The following WDR25 variants were observed in gnomAD, a reference collection of about 807,000 sequenced individuals.
WDR25 encodes the protein WD repeat domain 25.
In WDR25, 35 loss-of-function variants were observed where a neutral mutation model predicts 47.7. That is an observed-to-expected ratio of 0.73 (90% CI 0.56 to 0.97). WDR25 has a LOEUF of 0.97. Ranked by LOEUF, WDR25 falls within the 50% of genes least tolerant of loss-of-function variation. WDR25 has a pLI of 0.00. For synonymous variants in WDR25, 248 were observed against 278.9 expected (o/e 0.89, Z 1.10); for missense variants, 634 against 704.7 (o/e 0.90, Z 1.14).
At chr14:100,408,175 G>A (rs948514292) in intron 2 of WDR25, among the ~76,000 whole-genome samples, 1 of 152,078 alleles carries the variant, frequency 6.6e-6, no homozygotes, top group African/African-American at 2.4e-5. Context: ...AAACTGGAGA[G>A]AAAAACCCTA....
intron 4 of WDR25, among the ~76,000 whole-genome samples, chr14:100,486,300 C>A (rs1396603864): frequency 6.6e-6 from 1 of 152,158 alleles, no homozygotes; most frequent in Non-Finnish European, 1.5e-5. Flanking sequence ...GTTAAAAATA[C>A]CGGATTTTTT....
chr14:100,390,157 T>C (rs1474173061), intron 2 of WDR25, among the ~76,000 whole-genome samples: 5 of 152,248 alleles, frequency 3.3e-5, no homozygotes, highest in African/African-American at 4.8e-5. Context: ...AGCTGTTTCT[T>C]ATTTTCTGAA....
chr14:100,521,413 T>C (rs2029876281), intron 4 of WDR25, among the ~76,000 whole-genome samples: 1 of 152,204 alleles, frequency 6.6e-6, no homozygotes, highest in Admixed American at 6.5e-5. Context: ...CCCTTCCTCT[T>C]AAGGCAGTCT....
intron 4 of WDR25, among the ~76,000 whole-genome samples, chr14:100,496,828 CTTTTT>C (rs1226765543): frequency 8.2e-5 from 6 of 73,430 alleles, no homozygotes; most frequent in South Asian, 1.3e-3. Flanking sequence ...TTCTTTAATT[CTTTTT>C]TTTTTTTTTT....
intron 4 of WDR25, among the ~76,000 whole-genome samples, chr14:100,524,239 T>G (rs889722380): frequency 4.1e-5 from 6 of 144,806 alleles, no homozygotes; most frequent in African/African-American, 7.7e-5. Flanking sequence ...TCTCTGAGAC[T>G]TCATGCCCAC....
At chr14:100,448,361 C>T (rs1362874643) in intron 2 of WDR25, among the ~76,000 whole-genome samples, 2 of 152,170 alleles carry the variant, frequency 1.3e-5, no homozygotes, top group Admixed American at 6.5e-5. Context: ...TGCTTGAGTG[C>T]AAGGATTAGA....
At chr14:100,521,479 A>G (rs754525051) in intron 4 of WDR25, among the ~76,000 whole-genome samples, 2 of 152,136 alleles carry the variant, frequency 1.3e-5, no homozygotes, top group African/African-American at 2.4e-5. Flanking sequence ...CTTAGTGGAA[A>G]CACACACATG....
chr14:100,481,997 G>T (rs777756266), intron 3 of WDR25, among the ~76,000 whole-genome samples: 54 of 151,818 alleles, frequency 3.6e-4, no homozygotes, highest in Middle Eastern at 3.4e-3. Context: ...TGGCTTTTTA[G>T]ATTTTTGTTA....
At chr14:100,390,421 GTGTGTGCA>G (rs1897117078) in intron 2 of WDR25, among the ~76,000 whole-genome samples, 2 of 151,290 alleles carry the variant, frequency 1.3e-5, no homozygotes. Flanking sequence ...GTGTGTGTGT[GTGTGTGCA>G]TGCACACGCC....
At chr14:100,504,331 A>G (rs1363521172) in intron 4 of WDR25, among the ~76,000 whole-genome samples, 1 of 152,224 alleles carries the variant, frequency 6.6e-6, no homozygotes, top group Non-Finnish European at 1.5e-5. Context: ...AAGTCTCTTA[A>G]GTCTATAGAT....
intron 2 of WDR25, among the ~76,000 whole-genome samples, chr14:100,391,215 C>A (rs1489929011): frequency 2.0e-5 from 3 of 152,126 alleles, no homozygotes; most frequent in South Asian, 2.1e-4. Flanking sequence ...TGTCCTCCCC[C>A]ACCCTGAGAT....
At chr14:100,396,981 C>T (rs113845620) in intron 2 of WDR25, among the ~76,000 whole-genome samples, 4,740 of 152,318 alleles carry the variant, frequency 0.031, 100 homozygotes, top group Middle Eastern at 0.054. Context: ...TTGTATTTCT[C>T]AAATGGCTCA....
At chr14:100,379,733 CT>C (rs972911555) in intron 1 of WDR25, among the ~76,000 whole-genome samples, 194 of 142,294 alleles carry the variant, frequency 1.4e-3, no homozygotes, top group East Asian at 2.0e-3. Flanking sequence ...GTTTTCTTTC[CT>C]TTTTTTTTTT....
rs114902863 is a variant in WDR25, at chr14:100,425,624, G to A, written c.823-42397G>A. ...GCACCGTCGGACGCTGATGGTGGGG[G>A]CTGGGCCCTGTGCTGACACAGGCTC... On this transcript the variant is annotated intron_variant, in intron 2 of 6. Coordinates refer to ENST00000402312, the MANE Select transcript of WDR25 (RefSeq NM_001161476.3). The surrounding 1 kb of genome is among the most constrained non-coding windows in gnomAD (Gnocchi z 4.8). 0.013 allele frequency among the ~76,000 whole-genome samples: 2,001 copies of A among 152,312 alleles called. 46 individuals carry two copies. The highest frequency in any genetic ancestry group is 0.046 in the African/African-American group (1,891 of 41,560).
At chr14:100,519,042 C>T (rs909115580) in intron 4 of WDR25, among the ~76,000 whole-genome samples, 2 of 152,030 alleles carry the variant, frequency 1.3e-5, no homozygotes, top group Admixed American at 6.5e-5. Context: ...TGTCCATGCC[C>T]ACTATGTACT....
rs533803212 is a variant in WDR25 at position 100,499,974 on chromosome 14, A to T, written c.1101+15850A>T. Among the ~76,000 whole-genome samples the T allele has an allele frequency of 5.3e-5, 8 of 152,156 alleles. No homozygotes were observed. The East Asian group carries it at 1.4e-3, about 26-fold the overall frequency. Reference sequence around the variant, plus strand: ...ATAGCTCTGTCTGGTGGGGAGACAGAGCTGTCCCTGAGATGGGGGATGGTA... The same window carrying T: ...ATAGCTCTGTCTGGTGGGGAGACAGTGCTGTCCCTGAGATGGGGGATGGTA... On this transcript the variant is annotated intron_variant, in intron 4 of 6. Coordinates refer to ENST00000402312, the MANE Select transcript of WDR25 (RefSeq NM_001161476.3). This position sits in a 1 kb window ranked among gnomAD's most constrained non-coding sequence, Gnocchi z 4.4.
At chr14:100,521,489 G>T (rs2029877567) in intron 4 of WDR25, among the ~76,000 whole-genome samples, 1 of 152,122 alleles carries the variant, frequency 6.6e-6, no homozygotes, top group African/African-American at 2.4e-5. Context: ...ACACACACAT[G>T]TTCACGTCCC....
At chr14:100,444,487 C>A (rs550002655) in intron 2 of WDR25, among the ~76,000 whole-genome samples, 76 of 152,326 alleles carry the variant, frequency 5.0e-4, no homozygotes, top group African/African-American at 1.4e-3. Context: ...TAGCTAAGGC[C>A]CATGCCAGAG....
In WDR25 at chr14:100,502,145, G is replaced by A. The variant is rs1313276165; in HGVS notation, c.1101+18021G>A. 6.6e-6 allele frequency among the ~76,000 whole-genome samples: 1 copy of A among 152,208 alleles called. No individual in the cohort carries two copies. Among genetic ancestry groups the A allele is most frequent in the South Asian group, 2.1e-4 (1 of 4,828 alleles). On this transcript the variant is annotated intron_variant, in intron 4 of 6. Coordinates refer to ENST00000402312, the MANE Select transcript of WDR25 (RefSeq NM_001161476.3). This position sits in a 1 kb window ranked among gnomAD's most constrained non-coding sequence, Gnocchi z 4.5. The stretch of plus-strand genomic sequence containing the variant: ...GATATGTTCTGCTTCTGTTGGAAGT[G>A]CCTCAGGCATGGCCCCTTGATAGTT...
Sources: allele counts gnomAD v4.1 joint callset (sites outside exome capture counted in the v4.1 genomes callset), GRCh38; gene constraint gnomAD v4.1.1; non-coding constraint Gnocchi (gnomAD v3.1); transcripts MANE v1.5; gene names NCBI Gene and HGNC (gene_info 2026-07-23, HGNC 2026-07-21).